The following ESPNL variants were observed in gnomAD, a reference collection of about 807,000 sequenced individuals.
ESPNL encodes espin-like protein.
In ESPNL, 49 loss-of-function variants were observed where a neutral mutation model predicts 46.8. The ratio of observed to expected loss-of-function variants is 1.05; its 90% CI spans 0.83 to 1.33. The LOEUF (loss-of-function observed/expected upper bound fraction) is 1.33. Among genes scored for constraint, ESPNL ranks in the 40% most tolerant of loss-of-function variants. ESPNL has a pLI of 0.00. For synonymous variants in ESPNL, 664 were observed against 662.1 expected (o/e 1.00, Z -0.04); for missense variants, 1,540 against 1,436.6 (o/e 1.07, Z -1.16).
intron 7 of ESPNL, 116 bp downstream of exon 7, chr2:238,127,850 A>G: frequency 1.3e-6 from 1 of 747,566 alleles, no homozygotes. Flanking sequence ...TGAAGGGTGG[A>G]TGCCAGGCTG....
At position 238,125,274 on chromosome 2, in the gene ESPNL, C is replaced by A; in HGVS notation, c.992C>A (p.Pro331His). 1 of 1,501,240 alleles carries A rather than the reference C, an allele frequency of 6.7e-7. No individual in the cohort carries two copies. The highest frequency in any genetic ancestry group is 1.3e-5 in the South Asian group (1 of 76,556). 93.0% of individuals were successfully genotyped at this position (1,501,240 alleles called of 1,614,324 possible). A position where few individuals can be genotyped will look rare whatever the true frequency, so the allele number is the denominator to read the frequency against. Residue 331 changes from proline to histidine, a missense_variant, in exon 6 of 9, where the codon CCC becomes CAC. Coordinates refer to ENST00000343063, the MANE Select transcript of ESPNL (RefSeq NM_194312.4). The stretch of plus-strand genomic sequence containing the variant: ...ACCAGGCCCATTCACCCACAGGTGC[C>A]CCTGCTGATGACGCCCCCACCACCA... ...QYLREVAQPV[P>H]LLMTPPPPPF...
rs1692376305 is a variant in ESPNL, at chr2:238,132,968, C to T, written c.*1236C>T. 1 of 152,274 alleles carries T rather than the reference C, an allele frequency of 6.6e-6. No individual in the cohort carries two copies. The highest frequency in any genetic ancestry group is 2.4e-5 in the African/African-American group (1 of 41,454). 9.4% of individuals were successfully genotyped at this position (152,274 alleles called of 1,614,324 possible). A position where few individuals can be genotyped will look rare whatever the true frequency, so the allele number is the denominator to read the frequency against. On this transcript the variant is annotated 3_prime_UTR_variant, in exon 9 of 9. Transcript: ENST00000343063. ...ACAGGCTTATCAGGACTCCCTGCCT[C>T]AATCCCTGGGGATTGTCCAGGCAAA...
intron 5 of ESPNL, among the ~76,000 whole-genome samples, chr2:238,118,041 GATGGAGGAGGGTGA>G (rs1691855151): frequency 6.6e-6 from 1 of 150,432 alleles, no homozygotes; most frequent in African/African-American, 2.4e-5. Context: ...AGGAGGAATG[GATGGAGGAGGGTGA>G]ATGGAGGAGG....
At position 238,131,984 on chromosome 2, in the gene ESPNL, G is replaced by C. The variant is rs1692353103; in HGVS notation, c.*252G>C. 4.8e-6 allele frequency: 2 copies of C among 419,450 alleles called. No homozygotes were observed. The highest frequency in any genetic ancestry group is 4.8e-5 in the South Asian group (1 of 20,712). The allele number at this position is 419,450 out of a possible 1,614,324, so 26.0% of individuals were successfully genotyped here. On this transcript the variant is annotated 3_prime_UTR_variant, in exon 9 of 9. Transcript: ENST00000343063. Reference sequence around the variant, plus strand: ...TGAAGTGAGGCAATGGGCCACCCCAGTCCAGGGCACCTCTGCCCAGCCGGC... The same window carrying C: ...TGAAGTGAGGCAATGGGCCACCCCACTCCAGGGCACCTCTGCCCAGCCGGC...
intron 5 of ESPNL, among the ~76,000 whole-genome samples, chr2:238,119,500 ATGGAGGAGGTGGG>A (rs1691934565): frequency 2.1e-5 from 2 of 94,886 alleles, no homozygotes; most frequent in Non-Finnish European, 4.2e-5. Context: ...GAGGAGGTGG[ATGGAGGAGGTGGG>A]TGGAGGAGGG....
chr2:238,102,153 C>CT (rs776765562), intron 2 of ESPNL, 22 bp downstream of exon 2: 70 of 1,511,764 alleles, frequency 4.6e-5, no homozygotes, highest in Non-Finnish European at 6.2e-6. Flanking sequence ...AAAGTCCCGC[C>CT]TGGGGGGGCA....
At chr2:238,102,590 G>A (rs893311819) in intron 2 of ESPNL, among the ~76,000 whole-genome samples, 5 of 152,152 alleles carry the variant, frequency 3.3e-5, no homozygotes, top group Non-Finnish European at 7.4e-5. Context: ...CCACCCCTGT[G>A]CTGGGACCCC....
At chr2:238,102,323 G>A (rs1326414411) in intron 2 of ESPNL, among the ~76,000 whole-genome samples, 192 bp downstream of exon 2, 1 of 152,234 alleles carries the variant, frequency 6.6e-6, no homozygotes, top group Non-Finnish European at 1.5e-5. Flanking sequence ...GCCAGGCAGT[G>A]GCAGTGCCAT....
chr2:238,102,157 G>C (rs749382225), intron 2 of ESPNL, 26 bp downstream of exon 2: 7 of 1,507,504 alleles, frequency 4.6e-6, no homozygotes, highest in Non-Finnish European at 6.2e-6. Flanking sequence ...TCCCGCCTGG[G>C]GGGGCAGCCT....
chr2:238,104,514 A>G (rs1691551251), intron 2 of ESPNL, 142 bp from the exon 3 acceptor site: 3 of 959,620 alleles, frequency 3.1e-6, no homozygotes, highest in Non-Finnish European at 2.9e-6. Flanking sequence ...GGAGGGGGGA[A>G]CCCCGCAGCA....
In ESPNL at chr2:238,118,486, AGTGGATGGTGGGAGATGGAGG is replaced by A. The variant is rs1316445210; in HGVS notation, c.987+1453_987+1473del. Among the ~76,000 whole-genome samples the A allele has an allele frequency of 1.7e-4, 13 of 77,618 alleles. 2 individuals carry two copies. The highest frequency in any genetic ancestry group is 5.5e-4 in the Admixed American group (4 of 7,242). 50.9% of individuals were successfully genotyped at this position (77,618 alleles called of 152,430 possible). A position where few individuals can be genotyped will look rare whatever the true frequency, so the allele number is the denominator to read the frequency against. ...TGAATGGAGGAGGTGGATGGAAAAG[AGTGGATGGTGGGAGATGGAGG>A]AGGGTGGATGGAGAAGGGTGGATGG... On this transcript the variant is annotated intron_variant, in intron 5 of 8. Transcript: ENST00000343063.
intron 4 of ESPNL, among the ~76,000 whole-genome samples, chr2:238,115,238 G>T (rs1267978045): frequency 6.6e-6 from 1 of 152,190 alleles, no homozygotes; most frequent in Non-Finnish European, 1.5e-5. Context: ...CACCTTGGAG[G>T]CCATGGAACT....
chr2:238,128,618 G>A, intron 7 of ESPNL, 89 bp from the exon 8 acceptor site: 1 of 1,354,312 alleles, frequency 7.4e-7, no homozygotes, highest in Non-Finnish European at 1.0e-6. Flanking sequence ...GCCCTGGGCG[G>A]AGCCAACCCC....
At chr2:238,119,148 A>G (rs1396008595) in intron 5 of ESPNL, among the ~76,000 whole-genome samples, 12 of 562 alleles carry the variant, frequency 0.021, no homozygotes, top group East Asian at 0.21. Context: ...TGGAGGAGGA[A>G]TGGATGGAGG....
At chr2:238,124,580 T>C (rs1475734091) in intron 5 of ESPNL, among the ~76,000 whole-genome samples, 2 of 150,846 alleles carry the variant, frequency 1.3e-5, no homozygotes, top group East Asian at 3.9e-4. Context: ...AGTACGTGTG[T>C]GTGTGTGCAG....
At chr2:238,126,190 G>A (rs903400640) in intron 6 of ESPNL, among the ~76,000 whole-genome samples, 5 of 147,590 alleles carry the variant, frequency 3.4e-5, no homozygotes, top group South Asian at 2.2e-4. Flanking sequence ...GTGTGTGATC[G>A]TGTCTGTGAT....
intron 7 of ESPNL, among the ~76,000 whole-genome samples, chr2:238,127,982 G>C (rs1050339206): frequency 2.0e-5 from 3 of 152,180 alleles, no homozygotes; most frequent in African/African-American, 7.2e-5. Context: ...ATCCCAGAGG[G>C]CTGCAGTGGC....
At chr2:238,113,996 A>G (rs977156809) in intron 4 of ESPNL, among the ~76,000 whole-genome samples, 9 of 151,840 alleles carry the variant, frequency 5.9e-5, no homozygotes, top group Admixed American at 2.6e-4. Context: ...TACCTTACTG[A>G]GGCTGTCAGC....
At chr2:238,107,998 G>T in intron 4 of ESPNL, 25 bp downstream of exon 4, 2 of 1,593,618 alleles carry the variant, frequency 1.3e-6, no homozygotes, top group South Asian at 1.1e-5. Flanking sequence ...AGGGAGACAG[G>T]GTGAGCAGTC....
Sources: gnomAD v4.1 joint callset for allele counts (sites outside exome capture counted in the v4.1 genomes callset) on GRCh38, gnomAD v4.1.1 for gene constraint, MANE v1.5 for transcripts, NCBI Gene and HGNC (gene_info 2026-07-23, HGNC 2026-07-21) for gene names.